Variants in ASB13 observed in about 807,000 individuals in gnomAD.
ASB13 encodes the protein ankyrin repeat and SOCS box protein 13.
A neutral mutation model predicts 28.8 loss-of-function variants in ASB13; 33 were observed. That is an observed-to-expected ratio of 1.15 (90% confidence interval 0.87 to 1.53). ASB13 has a LOEUF of 1.53. ASB13 is among the 40% of genes most tolerant of loss of function. ASB13 has a pLI of 0.00. For synonymous variants in ASB13, 182 were observed against 172.9 expected (o/e 1.05, Z -0.41); for missense variants, 414 against 390.1 (o/e 1.06, Z -0.52).
In ASB13 at chr10:5,661,415, A is replaced by G. The variant is rs1293568453; in HGVS notation, c.43+5094T>C. Among the ~76,000 whole-genome samples, 1 of 152,244 alleles carries G rather than the reference A, an allele frequency of 6.6e-6. No individual in the cohort carries two copies. Among genetic ancestry groups the G allele is most frequent in the Non-Finnish European group, 1.5e-5 (1 of 68,042 alleles). On this transcript the variant is annotated intron_variant, in intron 1 of 5. Coordinates refer to ENST00000357700, the MANE Select transcript of ASB13 (RefSeq NM_024701.4). The surrounding 1 kb of genome is among the most constrained non-coding windows in gnomAD (Gnocchi z 4.9). ...ATGCCACCAGGGACACCTTCCAGAC[A>G]AAGCTGATCCAGTAGCATGCTGGCT...
rs921811691 is a variant in ASB13 at position 5,658,524 on chromosome 10, G to A, written c.44-5474C>T. Among the ~76,000 whole-genome samples, 2 of 152,158 alleles carry A rather than the reference G, an allele frequency of 1.3e-5. No homozygotes were observed. The highest frequency in any genetic ancestry group is 2.9e-5 in the Non-Finnish European group (2 of 68,012). ...CTCGAGTAGTCAAATTCATGGAGAT[G>A]GAAAGTAGAAAGGTAGTTGCCAGGG... On this transcript the variant is annotated intron_variant, in intron 1 of 5. Coordinates refer to ENST00000357700, the MANE Select transcript of ASB13 (RefSeq NM_024701.4). This position sits in a 1 kb window ranked among gnomAD's most constrained non-coding sequence, Gnocchi z 4.2.
rs561867632 is a variant in ASB13, at chr10:5,659,985, G to A, written c.43+6524C>T. Among the ~76,000 whole-genome samples the A allele has an allele frequency of 1.3e-5, 2 of 152,236 alleles. No homozygotes were observed. The highest frequency in any genetic ancestry group is 2.1e-4 in the South Asian group (1 of 4,820). On this transcript the variant is annotated intron_variant, in intron 1 of 5. Transcript: ENST00000357700. This position sits in a 1 kb window ranked among gnomAD's most constrained non-coding sequence, Gnocchi z 5.8. Reference sequence around the variant, plus strand: ...CGTGCATCCATTAAATGAAGAACTTGTGTTGCAACAAGAGCCAAGGCTGCA... The same window carrying A: ...CGTGCATCCATTAAATGAAGAACTTATGTTGCAACAAGAGCCAAGGCTGCA...
In ASB13 at chr10:5,660,755, C is replaced by A. The variant is rs58416548; in HGVS notation, c.43+5754G>T. 6.6e-6 allele frequency among the ~76,000 whole-genome samples: 1 copy of A among 152,210 alleles called. No individual in the cohort carries two copies. The highest frequency in any genetic ancestry group is 2.1e-4 in the South Asian group (1 of 4,830). ...CATCTTTGTTCCATAGCAAGCCCCC[C>A]AATCTTGCATTCCAGCTCCAGTAAC... On this transcript the variant is annotated intron_variant, in intron 1 of 5. Coordinates refer to ENST00000357700, the MANE Select transcript of ASB13 (RefSeq NM_024701.4). The surrounding 1 kb of genome is among the most constrained non-coding windows in gnomAD (Gnocchi z 6.1).
rs1835217666 is a variant in ASB13, at chr10:5,664,155, A to G, written c.43+2354T>C. ...GACCAGCAAAGAGCAGGGAATCTGAACTACCCCTGGGAGGGCACTGAACGC... is the reference window on the plus strand; with the variant it reads ...GACCAGCAAAGAGCAGGGAATCTGAGCTACCCCTGGGAGGGCACTGAACGC... On this transcript the variant is annotated intron_variant, in intron 1 of 5. Transcript: ENST00000357700. This position sits in a 1 kb window ranked among gnomAD's most constrained non-coding sequence, Gnocchi z 4.2. 6.6e-6 allele frequency among the ~76,000 whole-genome samples: 1 copy of G among 152,054 alleles called. No homozygotes were observed.
intron 4 of ASB13, among the ~76,000 whole-genome samples, chr10:5,648,523 CAAACACCTACTCAGGT>C (rs1292020326): frequency 8.3e-5 from 10 of 120,586 alleles, no homozygotes; most frequent in African/African-American, 2.2e-4. Context: ...CCCACGCGGG[CAAACACCTACTCAGGT>C]AAACACCCAC....
At chr10:5,643,959 G>A (rs1834845305) in intron 4 of ASB13, among the ~76,000 whole-genome samples, 1 of 152,234 alleles carries the variant, frequency 6.6e-6, no homozygotes, top group African/African-American at 2.4e-5. Flanking sequence ...CCTTGGCCAG[G>A]GGCTCTTGCA....
At chr10:5,662,533 G>GTGGA (rs754813507) in intron 1 of ASB13, among the ~76,000 whole-genome samples, 1 of 6,682 alleles carries the variant, frequency 1.5e-4, no homozygotes, top group Non-Finnish European at 8.1e-4. Flanking sequence ...CTGTCGAGAA[G>GTGGA]GGGGGGGGAG....
intron 4 of ASB13, among the ~76,000 whole-genome samples, chr10:5,646,593 C>G (rs914155086): frequency 1.3e-5 from 2 of 152,176 alleles, no homozygotes; most frequent in Non-Finnish European, 2.9e-5. Context: ...ACGGAACCTC[C>G]GGTCCAGCCG....
intron 5 of ASB13, 133 bp from the exon 6 acceptor site, chr10:5,640,963 T>A: frequency 8.3e-7 from 1 of 1,200,310 alleles, no homozygotes; most frequent in Non-Finnish European, 1.1e-6. Flanking sequence ...CTGTAGGCCT[T>A]CTCTGGAAGG....
rs1834847878 is a variant in ASB13, at chr10:5,644,140, T to C, written c.518-2179A>G. Among the ~76,000 whole-genome samples the C allele has an allele frequency of 1.3e-5, 2 of 152,216 alleles. No individual in the cohort carries two copies. Among genetic ancestry groups the C allele is most frequent in the Non-Finnish European group, 1.5e-5 (1 of 68,036 alleles). ...GCTACATGGATGGATCCTGAAAGTATAGCACTGAGTGAGCCAAGAAGAGAG... is the reference window on the plus strand; with the variant it reads ...GCTACATGGATGGATCCTGAAAGTACAGCACTGAGTGAGCCAAGAAGAGAG... On this transcript the variant is annotated intron_variant, in intron 4 of 5. Transcript: ENST00000357700. The surrounding 1 kb of genome is among the most constrained non-coding windows in gnomAD (Gnocchi z 5.1).
rs1835216539 is a variant in ASB13, at chr10:5,664,084, A to G, written c.43+2425T>C. The stretch of plus-strand genomic sequence containing the variant: ...GGGGAGCTGGAGAGCAGGCTGGTGC[A>G]GTGGCTAACCAGGATACAGAAGGCG... On this transcript the variant is annotated intron_variant, in intron 1 of 5. Coordinates refer to ENST00000357700, the MANE Select transcript of ASB13 (RefSeq NM_024701.4). This position sits in a 1 kb window ranked among gnomAD's most constrained non-coding sequence, Gnocchi z 4.2. 6.6e-6 allele frequency among the ~76,000 whole-genome samples: 1 copy of G among 152,176 alleles called. No homozygotes were observed. The highest frequency in any genetic ancestry group is 2.4e-5 in the African/African-American group (1 of 41,432).
In ASB13 at chr10:5,641,735, G is replaced by A; in HGVS notation, c.709+35C>T. 6.5e-7 allele frequency: 1 copy of A among 1,538,318 alleles called. No individual in the cohort carries two copies. Among genetic ancestry groups the A allele is most frequent in the Non-Finnish European group, 8.8e-7 (1 of 1,135,946 alleles). ...ACGTCAGGGGTCCAGGCTGAAGGCT[G>A]GAGGGGATGGGGTGCGCTCGGTGGG... On this transcript the variant is annotated intron_variant, in intron 5 of 5. Coordinates refer to ENST00000357700, the MANE Select transcript of ASB13 (RefSeq NM_024701.4). The surrounding 1 kb of genome is among the most constrained non-coding windows in gnomAD (Gnocchi z 8.4).
At position 5,666,588 on chromosome 10, in the gene ASB13, C is replaced by T. The variant is rs1277864448; in HGVS notation, c.-37G>A. The T allele has an allele frequency of 2.1e-5, 23 of 1,112,450 alleles. No individual in the cohort carries two copies. In the African/African-American group the frequency reaches 3.7e-4, roughly 18 times the overall value. 68.9% of individuals were successfully genotyped at this position (1,112,450 alleles called of 1,614,324 possible). A position where few individuals can be genotyped will look rare whatever the true frequency, so the allele number is the denominator to read the frequency against. ...GCGGCCGCGCGGCGACTCTGGGCGCCGGGACCTGGGCCGGGCCGCGCGGGG... is the reference window on the plus strand; with the variant it reads ...GCGGCCGCGCGGCGACTCTGGGCGCTGGGACCTGGGCCGGGCCGCGCGGGG... On this transcript the variant is annotated 5_prime_UTR_variant, in exon 1 of 6. Coordinates refer to ENST00000357700, the MANE Select transcript of ASB13 (RefSeq NM_024701.4).
In ASB13 at chr10:5,655,449, G is replaced by A. The variant is rs928620774; in HGVS notation, c.44-2399C>T. 5.9e-5 allele frequency among the ~76,000 whole-genome samples: 9 copies of A among 152,228 alleles called. No homozygotes were observed. Among genetic ancestry groups the A allele is most frequent in the Non-Finnish European group, 1.0e-4 (7 of 68,050 alleles). The stretch of plus-strand genomic sequence containing the variant: ...CACTTAAAGGGTGGGGCCTGGCACC[G>A]AATCAGTGCTCAATAAACACTGTCT... On this transcript the variant is annotated intron_variant, in intron 1 of 5. Transcript: ENST00000357700. This position sits in a 1 kb window ranked among gnomAD's most constrained non-coding sequence, Gnocchi z 6.2.
chr10:5,651,259 G>T lies in ASB13; in HGVS notation c.336C>A (p.Asn112Lys). 2 of 1,614,090 alleles carry T rather than the reference G, an allele frequency of 1.2e-6. No homozygotes were observed. The highest frequency in any genetic ancestry group is 1.7e-6 in the Non-Finnish European group (2 of 1,179,996). ...KLLLSYGAKV[N>K]PPLYTASPLH... ...GGGGGGACGCTGTGTACAGGGGAGGGTTGACCTTGGCCCCGTAGGACAGCA... is the reference window on the plus strand; with the variant it reads ...GGGGGGACGCTGTGTACAGGGGAGGTTTGACCTTGGCCCCGTAGGACAGCA... Residue 112 changes from asparagine to lysine, a missense_variant, in exon 3 of 6, where the codon AAC (asparagine) becomes AAA (lysine). Coordinates refer to ENST00000357700, the MANE Select transcript of ASB13 (RefSeq NM_024701.4). The surrounding 1 kb of genome is among the most constrained non-coding windows in gnomAD (Gnocchi z 5.1).
rs891887728 is a variant in ASB13 at position 5,661,336 on chromosome 10, C to T, written c.43+5173G>A. Among the ~76,000 whole-genome samples the T allele has an allele frequency of 6.6e-6, 1 of 152,202 alleles. No individual in the cohort carries two copies. The highest frequency in any genetic ancestry group is 2.4e-5 in the African/African-American group (1 of 41,450). The stretch of plus-strand genomic sequence containing the variant: ...CCACTTGCCCCCAACCCCGCCCCGC[C>T]GAGCCTGGGGCCTCTCCAGGGTCAG... On this transcript the variant is annotated intron_variant, in intron 1 of 5. Transcript: ENST00000357700. This position sits in a 1 kb window ranked among gnomAD's most constrained non-coding sequence, Gnocchi z 4.9.
rs550694858 is a variant in ASB13 at position 5,658,789 on chromosome 10, C to G, written c.44-5739G>C. On this transcript the variant is annotated intron_variant, in intron 1 of 5. Transcript: ENST00000357700. The surrounding 1 kb of genome is among the most constrained non-coding windows in gnomAD (Gnocchi z 4.2). ...CTGGAGGACCTAGAGCATGGGGGGA[C>G]TGTCACCCGCAGGCTGTCCTCATAG... is the stretch of plus-strand genomic sequence containing the variant. 6.6e-6 allele frequency among the ~76,000 whole-genome samples: 1 copy of G among 152,270 alleles called. No homozygotes were observed. Among genetic ancestry groups the G allele is most frequent in the East Asian group, 1.9e-4 (1 of 5,182 alleles).
chr10:5,643,921 C>T (rs756111399), intron 4 of ASB13, among the ~76,000 whole-genome samples: 6 of 152,358 alleles, frequency 3.9e-5, no homozygotes, highest in African/African-American at 7.2e-5. Context: ...CTAAAAATCA[C>T]GCTCCCTGCC....
chr10:5,654,629 T>C (rs1389860319), intron 1 of ASB13, among the ~76,000 whole-genome samples: 1 of 152,216 alleles, frequency 6.6e-6, no homozygotes, highest in African/African-American at 2.4e-5. Flanking sequence ...ATGTCACAAA[T>C]GACAACAGTG....
Sources: allele counts gnomAD v4.1 joint callset (sites outside exome capture counted in the v4.1 genomes callset), GRCh38; gene constraint gnomAD v4.1.1; non-coding constraint Gnocchi (gnomAD v3.1); transcripts MANE v1.5; gene names NCBI Gene and HGNC (gene_info 2026-07-23, HGNC 2026-07-21).